Variants in NEGR1 observed in about 807,000 individuals in gnomAD.
NEGR1 encodes IgLON family member 4.
NEGR1 carries 10 observed loss-of-function variants against 40.9 expected under a neutral mutation model. That is an observed-to-expected ratio of 0.24 (90% CI 0.15 to 0.42). The LOEUF (loss-of-function observed/expected upper bound fraction) is 0.42. Ranked by LOEUF, NEGR1 falls within the 10% of genes least tolerant of loss-of-function variation. The pLI, the probability that NEGR1 is intolerant of heterozygous loss-of-function variation, is 1.00. For synonymous variants in NEGR1, 185 were observed against 166.8 expected (o/e 1.11, Z -0.84); for missense variants, 352 against 438.9 (o/e 0.80, Z 1.77).
At chr1:71,784,367 C>T (rs776952481) in intron 2 of NEGR1, among the ~76,000 whole-genome samples, 9 of 151,422 alleles carry the variant, frequency 5.9e-5, no homozygotes, top group Non-Finnish European at 1.2e-4. Flanking sequence ...TAAAGATCCT[C>T]AGAATATTTA....
At chr1:71,677,314 T>C (rs1423904322) in intron 4 of NEGR1, among the ~76,000 whole-genome samples, 1 of 152,174 alleles carries the variant, frequency 6.6e-6, no homozygotes, top group Non-Finnish European at 1.5e-5. Flanking sequence ...GACAGCATTA[T>C]CTTTACTGCA....
At chr1:71,663,025 C>T (rs548623004) in intron 4 of NEGR1, among the ~76,000 whole-genome samples, 33 of 151,758 alleles carry the variant, frequency 2.2e-4, no homozygotes, top group Non-Finnish European at 4.3e-4. Flanking sequence ...GGCACGATCT[C>T]GGCTCACTGC....
At chr1:71,668,341 T>C (rs960160988) in intron 4 of NEGR1, among the ~76,000 whole-genome samples, 12 of 152,218 alleles carry the variant, frequency 7.9e-5, no homozygotes, top group African/African-American at 2.4e-5. Flanking sequence ...GTTCCCTGGG[T>C]AGCAGTGGAA....
chr1:71,985,879 C>T (rs771683846), intron 1 of NEGR1, among the ~76,000 whole-genome samples: 38 of 152,262 alleles, frequency 2.5e-4, no homozygotes, highest in Admixed American at 2.6e-4. Context: ...CTTGGAAGCA[C>T]ATTTTAGTTG....
At chr1:72,202,361 G>T (rs1409057509) in intron 1 of NEGR1, among the ~76,000 whole-genome samples, 2 of 151,810 alleles carry the variant, frequency 1.3e-5, no homozygotes, top group East Asian at 1.9e-4. Flanking sequence ...TAAAGTAAAA[G>T]AAATGATCAC....
At chr1:72,156,070 C>A (rs1651344997) in intron 1 of NEGR1, among the ~76,000 whole-genome samples, 1 of 151,956 alleles carries the variant, frequency 6.6e-6, no homozygotes, top group Non-Finnish European at 1.5e-5. Context: ...TGAAAAAGGC[C>A]TACAACCTCT....
At chr1:72,279,446 TAA>T (rs1656171609) in intron 1 of NEGR1, among the ~76,000 whole-genome samples, 1 of 151,956 alleles carries the variant, frequency 6.6e-6, no homozygotes, top group African/African-American at 2.4e-5. Context: ...TGTTTTTTAT[TAA>T]AGACACTGTG....
chr1:71,702,865 A>G (rs1199800981), intron 3 of NEGR1, among the ~76,000 whole-genome samples: 1 of 152,124 alleles, frequency 6.6e-6, no homozygotes, highest in Non-Finnish European at 1.5e-5. Context: ...TCAAGCATCA[A>G]GCTCACAGAG....
intron 1 of NEGR1, among the ~76,000 whole-genome samples, chr1:72,213,526 C>T (rs7524707): frequency 0.014 from 2,096 of 151,934 alleles, 36 homozygotes; most frequent in African/African-American, 0.048. Context: ...TCAGTGATTA[C>T]GACCTGTTAA....
intron 4 of NEGR1, among the ~76,000 whole-genome samples, chr1:71,671,963 T>C (rs2101600745): frequency 6.7e-6 from 1 of 150,320 alleles, no homozygotes; most frequent in East Asian, 2.0e-4. Flanking sequence ...CAAACTCCTG[T>C]CCTCAAATGA....
chr1:71,530,444 G>A (rs995184473), intron 6 of NEGR1, among the ~76,000 whole-genome samples: 2 of 151,148 alleles, frequency 1.3e-5, no homozygotes, highest in Non-Finnish European at 1.5e-5. Context: ...CATTTATACC[G>A]CTCTTTCAAT....
chr1:71,604,523 T>C (rs2101535527), intron 5 of NEGR1, among the ~76,000 whole-genome samples: 1 of 152,226 alleles, frequency 6.6e-6, no homozygotes, highest in Non-Finnish European at 1.5e-5. Context: ...ATATTTAGAA[T>C]AGAAAAGAGG....
intron 1 of NEGR1, among the ~76,000 whole-genome samples, chr1:72,197,654 C>T (rs1197820398): frequency 1.3e-5 from 2 of 151,928 alleles, no homozygotes; most frequent in South Asian, 2.1e-4. Flanking sequence ...AATGCTGAAA[C>T]GTTTCTCCAT....
At chr1:71,674,348 T>A (rs1005736511) in intron 4 of NEGR1, among the ~76,000 whole-genome samples, 12 of 152,118 alleles carry the variant, frequency 7.9e-5, no homozygotes, top group Admixed American at 7.2e-4. Flanking sequence ...AATCAATGAA[T>A]CAAATATGCA....
intron 6 of NEGR1, among the ~76,000 whole-genome samples, chr1:71,417,486 T>C (rs1158611018): frequency 6.6e-6 from 1 of 152,186 alleles, no homozygotes; most frequent in Non-Finnish European, 1.5e-5. Context: ...TCTTGTCTTC[T>C]TGGATGTCTC....
chr1:71,476,792 G>T (rs893928483), intron 6 of NEGR1: 4 of 152,084 alleles, frequency 2.6e-5, no homozygotes, highest in African/African-American at 9.7e-5. Flanking sequence ...GACAATGGAA[G>T]CTCCATGTTT....
chr1:71,434,849 T>A (rs564852893), intron 6 of NEGR1, among the ~76,000 whole-genome samples: 6 of 152,244 alleles, frequency 3.9e-5, no homozygotes, highest in African/African-American at 1.4e-4. Context: ...CCCAGCACTT[T>A]GGGAGGCCAA....
intron 1 of NEGR1, among the ~76,000 whole-genome samples, chr1:72,177,594 A>G (rs1430095845): frequency 6.6e-6 from 1 of 152,068 alleles, no homozygotes; most frequent in African/African-American, 2.4e-5. Context: ...AAACTTATTC[A>G]TACTGCCTAT....
At chr1:71,560,556 C>G (rs1471821685) in intron 6 of NEGR1, among the ~76,000 whole-genome samples, 1 of 150,434 alleles carries the variant, frequency 6.6e-6, no homozygotes, top group Non-Finnish European at 1.5e-5. Context: ...CCCAAAGTCA[C>G]CCAGCATATT....
Sources: gnomAD v4.1 joint callset for allele counts (sites outside exome capture counted in the v4.1 genomes callset) on GRCh38, gnomAD v4.1.1 for gene constraint, MANE v1.5 for transcripts, NCBI Gene and HGNC (gene_info 2026-07-23, HGNC 2026-07-21) for gene names.